The following MARCHF1 variants were observed in gnomAD, a reference collection of about 807,000 sequenced individuals.
MARCHF1 encodes membrane associated ring-CH-type finger 1.
In MARCHF1, 40 loss-of-function variants were observed where a neutral mutation model predicts 54.2. The observed-to-expected ratio is 0.74, with a 90% CI of 0.57 to 0.96. MARCHF1 has a LOEUF of 0.96. Among genes scored for constraint, MARCHF1 ranks in the 40% least tolerant of loss-of-function variants. The pLI, the probability that MARCHF1 is intolerant of heterozygous loss-of-function variation, is 0.00. For missense variants in MARCHF1, 586 were observed against 656.5 expected (o/e 0.89, Z 1.17); for synonymous variants, 236 against 236.3 (o/e 1.00, Z 0.01).
At chr4:164,227,279 A>G (rs1468007722) in intron 1 of MARCHF1, among the ~76,000 whole-genome samples, 1 of 152,092 alleles carries the variant, frequency 6.6e-6, no homozygotes, top group Non-Finnish European at 1.5e-5. Context: ...ACATTTATAA[A>G]ACCATCATAT....
chr4:163,903,180 CT>C (rs1560812330), intron 3 of MARCHF1, among the ~76,000 whole-genome samples: 2 of 151,906 alleles, frequency 1.3e-5, no homozygotes, highest in Admixed American at 6.6e-5. Flanking sequence ...AAATACTTAA[CT>C]TTTGTGTGGG....
intron 8 of MARCHF1, among the ~76,000 whole-genome samples, chr4:163,552,588 G>T (rs1217069583): frequency 6.6e-6 from 1 of 152,294 alleles, no homozygotes; most frequent in South Asian, 2.1e-4. Flanking sequence ...TTTCTAACTA[G>T]AAGTGGTTTT....
At chr4:164,190,026 G>T in intron 1 of MARCHF1, 2 of 1,393,152 alleles carry the variant, frequency 1.4e-6, no homozygotes, top group Non-Finnish European at 2.0e-6. Context: ...TGCTGAGGAA[G>T]ACACAAAGCT....
chr4:163,987,230 A>G (rs936110687), intron 3 of MARCHF1, among the ~76,000 whole-genome samples: 2 of 152,210 alleles, frequency 1.3e-5, no homozygotes, highest in Admixed American at 1.3e-4. Flanking sequence ...TTCTTTACAA[A>G]GATTTTTAAT....
At chr4:164,284,965 T>C (rs1409793725) in intron 1 of MARCHF1, among the ~76,000 whole-genome samples, 1 of 145,042 alleles carries the variant, frequency 6.9e-6, no homozygotes, top group African/African-American at 2.5e-5. Context: ...TTTGTTTTTC[T>C]TTCATGAACT....
chr4:164,006,913 C>T (rs1374345622), intron 2 of MARCHF1, among the ~76,000 whole-genome samples: 1 of 118,208 alleles, frequency 8.5e-6, no homozygotes, highest in Non-Finnish European at 1.6e-5. Context: ...AAACCTTTCA[C>T]AAATAATCAA....
At position 164,258,848 on chromosome 4, in the gene MARCHF1, T is replaced by A. The variant is rs894906134; in HGVS notation, c.-323+125022A>T. 1.3e-5 allele frequency among the ~76,000 whole-genome samples: 2 copies of A among 152,120 alleles called. 1 individual carries two copies. Among genetic ancestry groups the A allele is most frequent in the Non-Finnish European group, 2.9e-5 (2 of 67,994 alleles). Reference sequence around the variant, plus strand: ...TAGAGTCTAAGGTATGTTTTAATGATGAAAAACAATGACATGTCAGAATTA... The same window carrying A: ...TAGAGTCTAAGGTATGTTTTAATGAAGAAAAACAATGACATGTCAGAATTA... On this transcript the variant is annotated intron_variant, in intron 1 of 9. Coordinates refer to ENST00000514618, the MANE Select transcript of MARCHF1 (RefSeq NM_001394959.1).
intron 1 of MARCHF1, among the ~76,000 whole-genome samples, chr4:164,217,141 G>T (rs2111136804): frequency 6.6e-6 from 1 of 152,296 alleles, no homozygotes; most frequent in South Asian, 2.1e-4. Context: ...TTATCCTGCT[G>T]TTGAACATGA....
chr4:164,154,505 G>A (rs1159935255), intron 1 of MARCHF1, among the ~76,000 whole-genome samples: 2 of 152,178 alleles, frequency 1.3e-5, no homozygotes, highest in African/African-American at 4.8e-5. Context: ...TGTGAAACAG[G>A]AGAGTTCCCT....
At chr4:163,829,726 C>A (rs1560776106) in intron 4 of MARCHF1, among the ~76,000 whole-genome samples, 1 of 143,440 alleles carries the variant, frequency 7.0e-6, no homozygotes, top group African/African-American at 2.5e-5. Context: ...GCCAGCATTA[C>A]TTTTGGCAAT....
intron 1 of MARCHF1, among the ~76,000 whole-genome samples, chr4:164,359,014 C>T (rs1730646422): frequency 6.6e-6 from 1 of 151,234 alleles, no homozygotes; most frequent in Non-Finnish European, 1.5e-5. Flanking sequence ...AGATCTTTCT[C>T]TTATTACTCT....
At chr4:163,981,623 A>G (rs1160223496) in intron 3 of MARCHF1, among the ~76,000 whole-genome samples, 3 of 152,202 alleles carry the variant, frequency 2.0e-5, no homozygotes, top group Non-Finnish European at 4.4e-5. Flanking sequence ...CAATGCTGTC[A>G]GTCTGTGATC....
Position 163,612,939 on chromosome 4 carries a change from T to C in MARCHF1, c.342A>G (p.Val114=), listed in dbSNP as rs1408479805. The C allele has an allele frequency of 5.2e-6, 8 of 1,535,198 alleles. No homozygotes were observed. Among genetic ancestry groups the C allele is most frequent in the Non-Finnish European group, 7.0e-6 (8 of 1,146,392 alleles). The change falls in exon 7 of 10, where the codon GTA becomes GTG. Residue 114 remains valine, a synonymous_variant. Transcript: ENST00000514618. ...TTCTCCTCCTCCTAGGTCTTTGTAT[T>C]ACTGATTTCTTACCAGACTCCTTCC... ...PARKESGKKS[V]IQRPRRRRKA...
At chr4:164,015,337 T>C (rs1392636398) in intron 2 of MARCHF1, among the ~76,000 whole-genome samples, 1 of 152,042 alleles carries the variant, frequency 6.6e-6, no homozygotes, top group Non-Finnish European at 1.5e-5. Context: ...CTAAAAATTG[T>C]AACTATAAAA....
intron 2 of MARCHF1, among the ~76,000 whole-genome samples, chr4:164,071,804 CCACACGG>C (rs1403237358): frequency 6.6e-6 from 1 of 152,070 alleles, no homozygotes; most frequent in African/African-American, 2.4e-5. Context: ...TATACACTTA[CCACACGG>C]CACATATATG....
chr4:163,695,496 T>C (rs1236337858), intron 5 of MARCHF1, among the ~76,000 whole-genome samples: 1 of 152,164 alleles, frequency 6.6e-6, no homozygotes, highest in East Asian at 1.9e-4. Context: ...TTTTGTAAGA[T>C]ATTTTAAGGT....
At chr4:164,214,881 C>G (rs986975278) in intron 1 of MARCHF1, among the ~76,000 whole-genome samples, 3 of 152,144 alleles carry the variant, frequency 2.0e-5, no homozygotes, top group African/African-American at 7.2e-5. Flanking sequence ...GTTCCCTTGT[C>G]CCCCTTGCAG....
rs1741399168 is a variant in MARCHF1, at chr4:163,613,045, A to G, written c.243-7T>C. ...GTCATGCAAGATGGCAGATCTAGAC[A>G]GAGCAGCAGGCAAAGGATGGGAAAT... On this transcript the variant is annotated splice_region_variant and splice_polypyrimidine_tract_variant and intron_variant, in intron 6 of 9. Coordinates refer to ENST00000514618, the MANE Select transcript of MARCHF1 (RefSeq NM_001394959.1). 5.4e-6 allele frequency: 8 copies of G among 1,468,062 alleles called. No individual in the cohort carries two copies. The highest frequency in any genetic ancestry group is 7.1e-6 in the Non-Finnish European group (8 of 1,120,104). 90.9% of individuals were successfully genotyped at this position (1,468,062 alleles called of 1,614,324 possible). A position where few individuals can be genotyped will look rare whatever the true frequency, so the allele number is the denominator to read the frequency against.
intron 4 of MARCHF1, among the ~76,000 whole-genome samples, chr4:163,724,881 A>G (rs1745603402): frequency 6.6e-6 from 1 of 152,128 alleles, no homozygotes; most frequent in South Asian, 2.1e-4. Flanking sequence ...GGTGGGAGTG[A>G]CCCGATTTTC....
Sources: allele counts gnomAD v4.1 joint callset (sites outside exome capture counted in the v4.1 genomes callset), GRCh38; gene constraint gnomAD v4.1.1; transcripts MANE v1.5; gene names NCBI Gene and HGNC (gene_info 2026-07-23, HGNC 2026-07-21).